Variants in BBS2 observed in about 807,000 individuals in gnomAD.
BBS2 encodes Bardet-Biedl syndrome 2.
Under a neutral mutation model 83.0 loss-of-function variants are expected in BBS2, and 62 were observed. The observed-to-expected ratio is 0.75, with a 90% CI of 0.61 to 0.92. BBS2 has a LOEUF of 0.92. BBS2 is among the 40% of genes least tolerant of loss of function. BBS2 has a pLI of 0.00. For synonymous variants in BBS2, 303 were observed against 326.1 expected (o/e 0.93, Z 0.76); for missense variants, 784 against 901.0 (o/e 0.87, Z 1.66).
At chr16:56,494,286 T>A (rs529651252) in intron 15 of BBS2, among the ~76,000 whole-genome samples, 28 of 151,784 alleles carry the variant, frequency 1.8e-4, no homozygotes, top group African/African-American at 6.8e-4. Context: ...TGATTTTCAA[T>A]GTGAGAGAGA....
chr16:56,514,029 T>A (rs1209770318), intron 2 of BBS2, among the ~76,000 whole-genome samples: 3 of 152,254 alleles, frequency 2.0e-5, no homozygotes, highest in African/African-American at 7.2e-5. Flanking sequence ...TTTACTTCCT[T>A]ATCTTTTCTG....
At chr16:56,494,155 A>T (rs1964044936) in intron 15 of BBS2, among the ~76,000 whole-genome samples, 1 of 134,580 alleles carries the variant, frequency 7.4e-6, no homozygotes, top group Non-Finnish European at 1.5e-5. Flanking sequence ...TTTTGCAGAG[A>T]CTGGGTCTCA....
intron 7 of BBS2, among the ~76,000 whole-genome samples, chr16:56,505,566 T>TA (rs1404073074): frequency 8.5e-5 from 13 of 152,352 alleles, no homozygotes; most frequent in Admixed American, 4.6e-4. Context: ...TGATTCTTCC[T>TA]ATTAGTGCTA....
chr16:56,484,269 G>C (rs1963714299), downstream of BBS2: 1 of 163,294 alleles, frequency 6.1e-6, no homozygotes, highest in Admixed American at 6.0e-5. Flanking sequence ...GCCTCCCAAA[G>C]TGCTAGATTA....
At chr16:56,481,079 TATA>T (rs1403095558), downstream of BBS2, among the ~76,000 whole-genome samples, 2 of 152,178 alleles carry the variant, frequency 1.3e-5, no homozygotes, top group Non-Finnish European at 2.9e-5. Context: ...AATTTAGTTC[TATA>T]ATGACAGGAC....
chr16:56,479,209 A>C (rs1963597851), intron 17 of BBS2: 1 of 152,218 alleles, frequency 6.6e-6, no homozygotes, highest in South Asian at 2.1e-4. Context: ...AGTGGCTCAC[A>C]CCTGTAATCC....
chr16:56,506,216 G>A lies in BBS2; in HGVS notation c.621C>T (p.Thr207=), dbSNP rs1481865252. The part of the protein sequence containing the change: ...VAEMTETEIV[T]SLCPMYGSRF... ...GACTGCCATACATGGGACAAAGAGA[G>A]GTGACTATCTGCAAAACAATCCACA... Residue 207 remains threonine (T), a synonymous_variant, in exon 6 of 17, where the codon ACC becomes ACT. Coordinates refer to ENST00000245157, the MANE Select transcript of BBS2 (RefSeq NM_031885.5). The A allele has an allele frequency of 4.3e-6, 7 of 1,612,998 alleles. No homozygotes were observed. Among genetic ancestry groups the A allele is most frequent in the Non-Finnish European group, 5.9e-6 (7 of 1,179,168 alleles).
intron 7 of BBS2, among the ~76,000 whole-genome samples, chr16:56,503,237 T>A (rs1268521345): frequency 6.6e-6 from 1 of 152,184 alleles, no homozygotes; most frequent in East Asian, 1.9e-4. Context: ...TGGGGTTCAA[T>A]AACCAGAACA....
rs1964274097 is a variant in BBS2 at position 56,501,517 on chromosome 16, T to C, written c.1081-20A>G. On this transcript the variant is annotated intron_variant, in intron 9 of 16. Coordinates refer to ENST00000245157, the MANE Select transcript of BBS2 (RefSeq NM_031885.5). ...TTCAGCCTGCAAAACACCCCACCCA[T>C]TTCCTACTCAGTCACCAAAACACTG... 6.2e-7 allele frequency: 1 copy of C among 1,614,094 alleles called. No individual in the cohort carries two copies.
Position 56,485,807 on chromosome 16 carries a change from T to C in BBS2, c.1911-69A>G, listed in dbSNP as rs2144096141. 2.1e-6 allele frequency: 3 copies of C among 1,450,288 alleles called. 1 individual carries two copies. The highest frequency in any genetic ancestry group is 4.5e-5 in the East Asian group (2 of 44,002). The allele number at this position is 1,450,288 out of a possible 1,614,324, so 89.8% of individuals were successfully genotyped here. A position where few individuals can be genotyped will look rare whatever the true frequency, so the allele number is the denominator to read the frequency against. On this transcript the variant is annotated intron_variant, in intron 15 of 16. Transcript: ENST00000245157. ...GGCAAGCTTAAGAAAAACTTGCAAA[T>C]TTCTTAGACATACAAAGAAAAGACA...
intron 15 of BBS2, among the ~76,000 whole-genome samples, chr16:56,491,568 G>T (rs764290417): frequency 6.6e-6 from 1 of 151,822 alleles, no homozygotes; most frequent in Non-Finnish European, 1.5e-5. Flanking sequence ...ACCCATTCTC[G>T]GGTATTCTGT....
chr16:56,509,412 G>A (rs777455670), intron 5 of BBS2: 4 of 161,434 alleles, frequency 2.5e-5, no homozygotes, highest in Non-Finnish European at 4.1e-5. Context: ...TGAGGCATGC[G>A]AATCACTTGA....
intron 17 of BBS2, chr16:56,475,459 CTCTT>C (rs1411756474): frequency 6.4e-7 from 1 of 1,560,588 alleles, no homozygotes; most frequent in African/African-American, 1.4e-5. Context: ...GATGGTGCGA[CTCTT>C]TCAATAGGAG....
intron 1 of BBS2, among the ~76,000 whole-genome samples, chr16:56,518,841 G>A (rs1418394283): frequency 1.0e-4 from 11 of 110,000 alleles, no homozygotes; most frequent in African/African-American, 3.3e-4. Flanking sequence ...GTGTTTAGTA[G>A]AAGTCTGGTG....
At position 56,501,507 on chromosome 16, in the gene BBS2, A is replaced by C. The variant is rs780586216; in HGVS notation, c.1081-10T>G. The C allele has an allele frequency of 6.2e-7, 1 of 1,614,032 alleles. No homozygotes were observed. The highest frequency in any genetic ancestry group is 1.1e-5 in the South Asian group (1 of 91,076). On this transcript the variant is annotated splice_polypyrimidine_tract_variant and intron_variant, in intron 9 of 16. Transcript: ENST00000245157. ...GACTGGCCAATTCAGCCTGCAAAAC[A>C]CCCCACCCATTTCCTACTCAGTCAC... is the stretch of plus-strand genomic sequence containing the variant.
At chr16:56,504,116 G>A (rs1192798677) in intron 7 of BBS2, among the ~76,000 whole-genome samples, 1 of 152,116 alleles carries the variant, frequency 6.6e-6, no homozygotes, top group Non-Finnish European at 1.5e-5. Flanking sequence ...CCTACCCCTT[G>A]TCTACAGTAT....
At chr16:56,483,651 G>A (rs1963697027), downstream of BBS2, among the ~76,000 whole-genome samples, 1 of 151,592 alleles carries the variant, frequency 6.6e-6, no homozygotes, top group Non-Finnish European at 1.5e-5. Context: ...TAAATTTGTT[G>A]TTTGCACCCA....
chr16:56,498,701 G>A (rs542758028), intron 12 of BBS2, 133 bp from the exon 13 acceptor site: 33 of 1,500,828 alleles, frequency 2.2e-5, no homozygotes, highest in African/African-American at 4.2e-5. Flanking sequence ...TTACTGCTTT[G>A]TTGAGAAAAA....
At chr16:56,514,744 T>G in intron 1 of BBS2, 64 bp from the exon 2 acceptor site, 1 of 1,290,988 alleles carries the variant, frequency 7.7e-7, no homozygotes, top group Admixed American at 2.1e-5. Context: ...TACATTTTTT[T>G]AAAAAAGAAC....
Sources: gnomAD v4.1 joint callset for allele counts (sites outside exome capture counted in the v4.1 genomes callset) on GRCh38, gnomAD v4.1.1 for gene constraint, MANE v1.5 for transcripts, NCBI Gene and HGNC (gene_info 2026-07-23, HGNC 2026-07-21) for gene names.